The following ATXN7 variants were observed in gnomAD, a reference collection of about 807,000 sequenced individuals.
ATXN7 encodes the protein ataxin-7.
A neutral mutation model predicts 70.5 loss-of-function variants in ATXN7; 12 were observed. The ratio of observed to expected loss-of-function variants is 0.17; its 90% CI spans 0.11 to 0.28. The LOEUF (loss-of-function observed/expected upper bound fraction) is 0.28. Ranked by LOEUF, ATXN7 falls within the 10% of genes least tolerant of loss-of-function variation. The pLI is 1.00. For synonymous variants in ATXN7, 498 were observed against 448.7 expected, an observed-to-expected ratio of 1.11 and a Z score of -1.39; for missense variants, 1,256 against 1,131.7, an observed-to-expected ratio of 1.11 and a Z score of -1.58.
intron 4 of ATXN7, among the ~76,000 whole-genome samples, chr3:63,920,554 C>T (rs1704469879): frequency 6.6e-6 from 1 of 152,110 alleles, no homozygotes; most frequent in Admixed American, 6.5e-5. Context: ...TTTTTCTTAT[C>T]CTTGTCTAGA....
intron 12 of ATXN7, chr3:63,997,519 C>T (rs1465236959): frequency 7.2e-6 from 7 of 969,090 alleles, no homozygotes; most frequent in Non-Finnish European, 1.1e-5. Flanking sequence ...TTGTCTCGTC[C>T]CAGCTCTTCT....
At chr3:63,907,384 C>T (rs1261206611) in intron 2 of ATXN7, among the ~76,000 whole-genome samples, 1 of 151,584 alleles carries the variant, frequency 6.6e-6, no homozygotes, top group African/African-American at 2.4e-5. Flanking sequence ...GTAGCTGACG[C>T]AGTACACTAG....
intron 1 of ATXN7, among the ~76,000 whole-genome samples, chr3:63,883,474 G>T (rs1211909039): frequency 6.6e-6 from 1 of 151,834 alleles, no homozygotes; most frequent in Non-Finnish European, 1.5e-5. Context: ...TTCCCACTAG[G>T]TACCCCTGCT....
chr3:63,870,048 C>T (rs1194896368), intron 1 of ATXN7, among the ~76,000 whole-genome samples: 2 of 152,158 alleles, frequency 1.3e-5, no homozygotes, highest in Non-Finnish European at 2.9e-5. Context: ...AGCAAATTTT[C>T]TGTAAAGGAC....
Position 63,917,448 on chromosome 3 carries a change from AC to A in ATXN7, c.394+4226del, listed in dbSNP as rs150455185. On this transcript the variant is annotated intron_variant, in intron 4 of 12. Coordinates refer to ENST00000674280, the MANE Select transcript of ATXN7 (RefSeq NM_001377405.1). ...TATATTAGTGCCTGAATATTTAGAG[AC>A]CCTTAAAAAATAAAAACTTTAAATG... is the stretch of plus-strand genomic sequence containing the variant. 4.0e-3 allele frequency among the ~76,000 whole-genome samples: 610 copies of A among 152,164 alleles called. 4 individuals carry two copies. The highest frequency in any genetic ancestry group is 6.3e-3 in the Non-Finnish European group (427 of 67,996).
chr3:63,880,754 T>G (rs767589737), intron 1 of ATXN7, among the ~76,000 whole-genome samples: 3 of 152,170 alleles, frequency 2.0e-5, no homozygotes, highest in Non-Finnish European at 4.4e-5. Context: ...CTTTGTTACT[T>G]GCTTTAAAAC....
intron 1 of ATXN7, among the ~76,000 whole-genome samples, chr3:63,893,189 A>G (rs1016823245): frequency 1.3e-5 from 2 of 152,204 alleles, no homozygotes; most frequent in South Asian, 2.1e-4. Context: ...TGTTCAGTAA[A>G]TGTCAGCTAC....
At chr3:63,923,626 T>C (rs2107322829) in intron 4 of ATXN7, among the ~76,000 whole-genome samples, 1 of 152,112 alleles carries the variant, frequency 6.6e-6, no homozygotes, top group East Asian at 1.9e-4. Flanking sequence ...GGCAACATAG[T>C]GAGACCCCAT....
Position 63,912,896 on chromosome 3 carries a change from G to A in ATXN7, c.298G>A (p.Glu100Lys). The A allele has an allele frequency of 6.2e-7, 1 of 1,613,466 alleles. No individual in the cohort carries two copies. The highest frequency in any genetic ancestry group is 8.5e-7 in the Non-Finnish European group (1 of 1,179,760). ...MLGQSWNLWV[E>K]ASKLPGKDGT... is the part of the protein sequence containing the mutation. ...GGGACAGTCGTGGAATCTGTGGGTT[G>A]AGGCTTCCAAACTTCCTGGGAAGGA... is the stretch of plus-strand genomic sequence containing the variant. The change falls in exon 3 of 13, where the codon GAG (glutamate) becomes AAG (lysine). Residue 100 changes from glutamate (E) to lysine (K), a missense_variant. Coordinates refer to ENST00000674280, the MANE Select transcript of ATXN7 (RefSeq NM_001377405.1).
intron 5 of ATXN7, among the ~76,000 whole-genome samples, chr3:63,965,254 A>G (rs779178385): frequency 2.8e-4 from 42 of 152,284 alleles, no homozygotes; most frequent in Middle Eastern, 3.4e-3. Flanking sequence ...CATTACCTGC[A>G]TTATCTCAAA....
intron 4 of ATXN7, among the ~76,000 whole-genome samples, chr3:63,948,004 G>A (rs1288915963): frequency 1.3e-5 from 2 of 152,146 alleles, no homozygotes; most frequent in African/African-American, 4.8e-5. Context: ...TATTCCAAGA[G>A]GAGTAGAAAG....
chr3:63,959,083 T>C (rs1017493195), intron 5 of ATXN7, among the ~76,000 whole-genome samples: 1 of 152,246 alleles, frequency 6.6e-6, no homozygotes, highest in Non-Finnish European at 1.5e-5. Context: ...ATAATGATGG[T>C]AGGTAGATAA....
At chr3:63,903,394 A>G (rs1435300610) in intron 2 of ATXN7, among the ~76,000 whole-genome samples, 1 of 151,340 alleles carries the variant, frequency 6.6e-6, no homozygotes, top group Non-Finnish European at 1.5e-5. Context: ...CTCAAAAAAA[A>G]AAAAAAAAAA....
chr3:63,930,407 C>G (rs964656582), intron 4 of ATXN7, among the ~76,000 whole-genome samples: 6 of 152,234 alleles, frequency 3.9e-5, no homozygotes, highest in East Asian at 3.9e-4. Context: ...GTGTGTAGCC[C>G]CTCCACAGCT....
rs1485676271 is a variant in ATXN7, at chr3:63,996,012, C to T, written c.2190C>T (p.Ser730=). The T allele has an allele frequency of 3.7e-6, 6 of 1,614,060 alleles. No individual in the cohort carries two copies. Among genetic ancestry groups the T allele is most frequent in the African/African-American group, 1.3e-5 (1 of 74,900 alleles). Residue 730 remains serine, a synonymous_variant, in exon 12 of 13, where the codon TCC becomes TCT. Transcript: ENST00000674280. ...SSSSSSSSSH[S]MESFRKNCVA... ...CCTCCTCCTCCTCTTCTTCTCATTCCATGGAGTCTTTTAGGAAAAACTGTG... is the reference window on the plus strand; with the variant it reads ...CCTCCTCCTCCTCTTCTTCTCATTCTATGGAGTCTTTTAGGAAAAACTGTG...
intron 4 of ATXN7, among the ~76,000 whole-genome samples, chr3:63,938,753 A>G (rs1191032876): frequency 6.6e-6 from 1 of 152,260 alleles, no homozygotes; most frequent in Non-Finnish European, 1.5e-5. Flanking sequence ...CAATGAAAGC[A>G]TTAAGTTGAT....
At chr3:63,908,632 T>G (rs1045236070) in intron 2 of ATXN7, among the ~76,000 whole-genome samples, 1 of 152,248 alleles carries the variant, frequency 6.6e-6, no homozygotes. Context: ...TTTTTCCAAT[T>G]GAAGACGGTT....
At chr3:63,975,154 A>G (rs1435095005) in intron 5 of ATXN7, among the ~76,000 whole-genome samples, 1 of 152,240 alleles carries the variant, frequency 6.6e-6, no homozygotes, top group African/African-American at 2.4e-5. Context: ...TTTCATTCTC[A>G]AAACAAGCTT....
At chr3:63,987,994 G>T (rs1182771402) in intron 8 of ATXN7, 65 bp from the exon 9 acceptor site, 7 of 1,578,220 alleles carry the variant, frequency 4.4e-6, no homozygotes, top group Admixed American at 3.7e-5. Context: ...TGGTGTTTTG[G>T]GATATAAGGC....
Sources: gnomAD v4.1 joint callset for allele counts (sites outside exome capture counted in the v4.1 genomes callset) on GRCh38, gnomAD v4.1.1 for gene constraint, MANE v1.5 for transcripts, NCBI Gene and HGNC (gene_info 2026-07-23, HGNC 2026-07-21) for gene names.